Variants in OPCML observed in about 807,000 individuals in gnomAD.
OPCML encodes opioid binding protein/cell adhesion molecule like.
OPCML carries 13 observed loss-of-function variants against 37.8 expected under a neutral mutation model. The observed-to-expected ratio is 0.34, with a 90% CI of 0.22 to 0.55. OPCML has a LOEUF of 0.55. Ranked by LOEUF, OPCML falls within the 20% of genes least tolerant of loss-of-function variation. The pLI is 0.91. For missense variants in OPCML, 341 were observed against 435.6 expected (o/e 0.78, Z 1.93); for synonymous variants, 176 against 168.8 (o/e 1.04, Z -0.33).
chr11:133,311,597 TG>T (rs138579855), intron 1 of OPCML, among the ~76,000 whole-genome samples: 7,377 of 152,180 alleles, frequency 0.048, 201 homozygotes, highest in Middle Eastern at 0.072. Context: ...TTCTAAAAAA[TG>T]TATGATTCAG....
intron 1 of OPCML, among the ~76,000 whole-genome samples, chr11:133,461,556 T>G (rs1313285150): frequency 1.3e-5 from 2 of 151,722 alleles, no homozygotes; most frequent in Non-Finnish European, 3.0e-5. Flanking sequence ...AGAAAATCAG[T>G]AAAACCAAGA....
chr11:133,197,504 C>T (rs940989771), intron 1 of OPCML, among the ~76,000 whole-genome samples: 2 of 152,130 alleles, frequency 1.3e-5, no homozygotes, highest in African/African-American at 4.8e-5. Context: ...GGACTCATTA[C>T]CACATCTCAC....
chr11:132,928,557 T>C (rs985027930), intron 2 of OPCML, among the ~76,000 whole-genome samples: 40 of 151,870 alleles, frequency 2.6e-4, no homozygotes, highest in Non-Finnish European at 7.4e-5. Flanking sequence ...ATAATAGATA[T>C]AACAAACAGA....
At chr11:133,065,496 T>C (rs943681388) in intron 1 of OPCML, 1 of 152,258 alleles carries the variant, frequency 6.6e-6, no homozygotes, top group African/African-American at 2.4e-5. Flanking sequence ...AAGCCGTTGT[T>C]ACACGATATT....
rs556725672 is a variant in OPCML, at chr11:133,260,776, C to T, written c.61+271488G>A. Among the ~76,000 whole-genome samples, 4 of 152,324 alleles carry T rather than the reference C, an allele frequency of 2.6e-5. No homozygotes were observed. In the South Asian group the frequency reaches 8.3e-4, roughly 32 times the overall value. On this transcript the variant is annotated intron_variant, in intron 1 of 7. Coordinates refer to ENST00000524381, the MANE Select transcript of OPCML (RefSeq NM_001012393.5). ...ATGGCTAGAGCCAGATTTCAGTTGC[C>T]ATGACCACATCTGGAATCCACGTAC...
chr11:133,407,702 T>C (rs1224870943), intron 1 of OPCML, among the ~76,000 whole-genome samples: 5 of 152,196 alleles, frequency 3.3e-5, no homozygotes, highest in South Asian at 4.1e-4. Context: ...AATTGCTCCC[T>C]AGAGAAAGGA....
At chr11:133,021,552 AG>A in intron 1 of OPCML, among the ~76,000 whole-genome samples, 1 of 152,300 alleles carries the variant, frequency 6.6e-6, no homozygotes, top group East Asian at 1.9e-4. Flanking sequence ...TCAAGTGGGC[AG>A]GGAGTACACG....
chr11:133,225,614 A>C (rs1940005671), intron 1 of OPCML, among the ~76,000 whole-genome samples: 1 of 152,228 alleles, frequency 6.6e-6, no homozygotes. Flanking sequence ...AGATGCCTCT[A>C]GAGATCATCT....
intron 1 of OPCML, among the ~76,000 whole-genome samples, chr11:133,192,664 T>C (rs139492959): frequency 1.4e-4 from 21 of 152,346 alleles, no homozygotes; most frequent in African/African-American, 5.0e-4. Context: ...TTAGCCTCCT[T>C]GAGTCTGTTT....
In OPCML at chr11:133,040,330, T is replaced by C. The variant is rs527790984; in HGVS notation, c.62-97320A>G. ...TTCACCCCACCTACCCCACAACCTG[T>C]AGCCTCCACTCATCTCCCTAAAACT... On this transcript the variant is annotated intron_variant, in intron 1 of 7. Transcript: ENST00000524381. Among the ~76,000 whole-genome samples the C allele has an allele frequency of 3.2e-4, 49 of 152,240 alleles. No individual in the cohort carries two copies. In the South Asian group the frequency reaches 9.7e-3, roughly 30 times the overall value.
chr11:132,915,307 C>T (rs73043157), intron 2 of OPCML, among the ~76,000 whole-genome samples: 13,657 of 152,212 alleles, frequency 0.09, 720 homozygotes, highest in Non-Finnish European at 0.12. Flanking sequence ...TTTTACCTCC[C>T]GGTGAGGCAT....
chr11:132,902,208 G>A (rs918090115), intron 2 of OPCML, among the ~76,000 whole-genome samples: 4 of 152,168 alleles, frequency 2.6e-5, no homozygotes, highest in Non-Finnish European at 5.9e-5. Context: ...TTTCTTCATT[G>A]CAAACTGAGG....
At chr11:132,619,096 T>C (rs1466352532) in intron 3 of OPCML, among the ~76,000 whole-genome samples, 2 of 152,060 alleles carry the variant, frequency 1.3e-5, no homozygotes, top group Non-Finnish European at 2.9e-5. Flanking sequence ...ACCATAGCTA[T>C]CTCTTTAACC....
At chr11:133,483,704 ATAG>A (rs1947440679) in intron 1 of OPCML, among the ~76,000 whole-genome samples, 2 of 148,560 alleles carry the variant, frequency 1.3e-5, no homozygotes, top group African/African-American at 2.6e-5. Flanking sequence ...AGATAGATAG[ATAG>A]ATAGATAGAT....
chr11:132,746,253 G>C (rs1167552944), intron 2 of OPCML, among the ~76,000 whole-genome samples: 1 of 152,092 alleles, frequency 6.6e-6, no homozygotes, highest in Non-Finnish European at 1.5e-5. Context: ...ACCATTCTTT[G>C]AACTGTTTGT....
chr11:132,782,927 A>ATATATATATATATGTG (rs1565860322), intron 2 of OPCML, among the ~76,000 whole-genome samples: 2 of 146,134 alleles, frequency 1.4e-5, no homozygotes, highest in Non-Finnish European at 3.0e-5. Flanking sequence ...GTATATATAT[A>ATATATATATATATGTG]TATATATATA....
chr11:132,567,783 G>T (rs562088505), intron 3 of OPCML, among the ~76,000 whole-genome samples: 49 of 152,308 alleles, frequency 3.2e-4, no homozygotes, highest in African/African-American at 1.1e-3. Context: ...TTGTCATTCT[G>T]AGGTTGCATT....
intron 1 of OPCML, among the ~76,000 whole-genome samples, chr11:133,501,715 G>A (rs745524686): frequency 2.7e-5 from 4 of 148,902 alleles, no homozygotes; most frequent in Admixed American, 1.4e-4. Context: ...CAAACGACCT[G>A]AGCCAGGTAG....
rs2096421058 is a variant in OPCML, at chr11:132,565,683, G to T, written c.380-36497C>A. On this transcript the variant is annotated intron_variant, in intron 3 of 7. Coordinates refer to ENST00000524381, the MANE Select transcript of OPCML (RefSeq NM_001012393.5). The stretch of plus-strand genomic sequence containing the variant: ...CTATAGATATATAGAAAACCAATGT[G>T]TCTTCTGCTTTCATTTCTTTGATCA... Among the ~76,000 whole-genome samples the T allele has an allele frequency of 2.0e-5, 3 of 152,244 alleles. No homozygotes were observed. In the South Asian group the frequency reaches 6.2e-4, roughly 32 times the overall value.
Sources: allele counts gnomAD v4.1 joint callset (sites outside exome capture counted in the v4.1 genomes callset), GRCh38; gene constraint gnomAD v4.1.1; transcripts MANE v1.5; gene names NCBI Gene and HGNC (gene_info 2026-07-23, HGNC 2026-07-21).